SERPINE2: variants seen among roughly 807,000 people sequenced by gnomAD.
SERPINE2 encodes the protein glia-derived nexin.
SERPINE2 carries 14 observed loss-of-function variants against 36.3 expected under a neutral mutation model. The observed-to-expected ratio is 0.39, with a 90% CI of 0.25 to 0.60. SERPINE2 has a LOEUF of 0.60. Ranked by LOEUF, SERPINE2 falls within the 20% of genes least tolerant of loss-of-function variation. SERPINE2 has a pLI of 0.57. For missense variants in SERPINE2, 418 were observed against 499.6 expected (o/e 0.84, Z 1.56); for synonymous variants, 192 against 191.8 (o/e 1.00, Z -0.01).
intron 4 of SERPINE2, among the ~76,000 whole-genome samples, chr2:223,990,493 A>G (rs1690619714): frequency 6.6e-6 from 1 of 152,110 alleles, no homozygotes; most frequent in Non-Finnish European, 1.5e-5. Context: ...GAATCCTTGC[A>G]TTTTAATCTT....
At chr2:224,014,511 A>C (rs1691731907) in intron 1 of SERPINE2, among the ~76,000 whole-genome samples, 4 of 152,222 alleles carry the variant, frequency 2.6e-5, no homozygotes, top group Admixed American at 6.5e-5. Context: ...GGAAAGTCAG[A>C]GGGAAAGTCA....
At chr2:224,028,719 G>A (rs1692266440) in intron 1 of SERPINE2, among the ~76,000 whole-genome samples, 1 of 152,182 alleles carries the variant, frequency 6.6e-6, no homozygotes. Context: ...ATGCCTAATA[G>A]TACTTGACAC....
intron 4 of SERPINE2, among the ~76,000 whole-genome samples, chr2:223,990,517 GT>G (rs368151964): frequency 1.4e-5 from 2 of 146,440 alleles, no homozygotes; most frequent in Non-Finnish European, 3.0e-5. Flanking sequence ...CTATTAACTT[GT>G]TTTTTTTTTC....
At position 224,036,095 on chromosome 2, in the gene SERPINE2, A is replaced by T. The variant is rs559796934; in HGVS notation, c.-23+3004T>A. 1.8e-3 allele frequency among the ~76,000 whole-genome samples: 276 copies of T among 152,230 alleles called. 4 individuals carry two copies. Among genetic ancestry groups the T allele is most frequent in the Non-Finnish European group, 2.8e-3 (190 of 68,000 alleles). ...TTATTTTGGGGTGTTTTTTTGGCCT[A>T]AAGGGCACGGGTAAGCGCACCAGAC... On this transcript the variant is annotated intron_variant, in intron 1 of 8. Coordinates refer to ENST00000409304, the MANE Select transcript of SERPINE2 (RefSeq NM_001136528.2).
At chr2:223,982,833 C>T (rs1360952368) in intron 5 of SERPINE2, 52 bp from the exon 6 acceptor site, 1 of 1,294,052 alleles carries the variant, frequency 7.7e-7, no homozygotes, top group East Asian at 2.3e-5. Flanking sequence ...ATAAATGCTA[C>T]ATGATAGAGT....
At chr2:224,036,010 T>G (rs1371681074) in intron 1 of SERPINE2, among the ~76,000 whole-genome samples, 2 of 151,980 alleles carry the variant, frequency 1.3e-5, no homozygotes, top group East Asian at 3.9e-4. Flanking sequence ...AACGGACAAA[T>G]CTTCGCTAAC....
chr2:224,031,275 C>A (rs1010374827), intron 1 of SERPINE2: 2 of 985,214 alleles, frequency 2.0e-6, no homozygotes, highest in African/African-American at 3.5e-5. Context: ...CCACATACTG[C>A]GTGACCGTGG....
chr2:224,026,292 T>G (rs1463933200), intron 1 of SERPINE2, among the ~76,000 whole-genome samples: 1 of 152,278 alleles, frequency 6.6e-6, no homozygotes, highest in Non-Finnish European at 1.5e-5. Context: ...TATTTGGGTT[T>G]ATTTGTTACA....
At chr2:224,031,451 CCA>C (rs1559222974) in intron 1 of SERPINE2, 1 of 985,582 alleles carries the variant, frequency 1.0e-6, no homozygotes, top group African/African-American at 1.7e-5. Flanking sequence ...ACGGTCCTCT[CCA>C]CTCCCTTTCC....
intron 1 of SERPINE2, among the ~76,000 whole-genome samples, chr2:224,032,844 C>T (rs1191804424): frequency 6.6e-6 from 1 of 152,164 alleles, no homozygotes; most frequent in Non-Finnish European, 1.5e-5. Context: ...TGCTTGGGCT[C>T]AGTGGCCATC....
At chr2:224,001,988 T>A (rs1437072573) in intron 1 of SERPINE2, 66 bp from the exon 2 acceptor site, 5 of 1,398,150 alleles carry the variant, frequency 3.6e-6, no homozygotes, top group Non-Finnish European at 4.7e-6. Flanking sequence ...TTTTTTTTTT[T>A]TTCCCCCAGA....
At chr2:223,990,473 A>G (rs1690618686) in intron 4 of SERPINE2, among the ~76,000 whole-genome samples, 1 of 152,176 alleles carries the variant, frequency 6.6e-6, no homozygotes, top group Non-Finnish European at 1.5e-5. Flanking sequence ...CTTCCATAGG[A>G]ATGTTAATGG....
At chr2:223,990,910 C>T (rs1690639023) in intron 4 of SERPINE2, among the ~76,000 whole-genome samples, 1 of 152,056 alleles carries the variant, frequency 6.6e-6, no homozygotes, top group Admixed American at 6.6e-5. Context: ...TCCAAGAGGT[C>T]GAGGCTGCGG....
intron 3 of SERPINE2, among the ~76,000 whole-genome samples, chr2:223,992,231 G>C (rs1470987147): frequency 6.6e-6 from 1 of 152,040 alleles, no homozygotes; most frequent in Non-Finnish European, 1.5e-5. Flanking sequence ...GAAACCCCTA[G>C]CTAGGGGTTA....
At chr2:223,977,951 T>A (rs1690074239) in intron 7 of SERPINE2, 1 of 230,856 alleles carries the variant, frequency 4.3e-6, no homozygotes, top group African/African-American at 2.2e-5. Context: ...CTTAGAACAG[T>A]GTTTGCCACT....
Position 224,001,712 on chromosome 2 carries a change from C to A in SERPINE2, c.189G>T (p.Gly63=). The change falls in exon 2 of 9, where the codon GGG becomes GGT. Residue 63 remains glycine, a synonymous_variant. Transcript: ENST00000409304. ...TGCCGTCCGCCCCCAGCTGAAGCAT[C>A]CCCAGGACCGACGCAATCCCATGGG... The part of the protein sequence containing the change: ...ISPHGIASVL[G]MLQLGADGRT... 1.2e-6 allele frequency: 2 copies of A among 1,614,204 alleles called. No individual in the cohort carries two copies. Among genetic ancestry groups the A allele is most frequent in the Non-Finnish European group, 8.5e-7 (1 of 1,180,046 alleles).
chr2:224,021,181 A>G (rs1574845441), intron 1 of SERPINE2, among the ~76,000 whole-genome samples: 2 of 152,210 alleles, frequency 1.3e-5, no homozygotes, highest in African/African-American at 2.4e-5. Flanking sequence ...TGCCCTTGAC[A>G]TTCTTGGCAG....
chr2:223,986,684 T>C (rs769686389), intron 4 of SERPINE2, among the ~76,000 whole-genome samples: 30 of 152,156 alleles, frequency 2.0e-4, no homozygotes, highest in Non-Finnish European at 2.8e-4. Flanking sequence ...TTAAGGAGGA[T>C]TGAAGTAATG....
chr2:224,032,105 A>G (rs986376909), intron 1 of SERPINE2, among the ~76,000 whole-genome samples: 1 of 152,226 alleles, frequency 6.6e-6, no homozygotes, highest in Non-Finnish European at 1.5e-5. Context: ...CTTAACAGTG[A>G]CCAAATCCTC....
Sources: gnomAD v4.1 joint callset for allele counts (sites outside exome capture counted in the v4.1 genomes callset) on GRCh38, gnomAD v4.1.1 for gene constraint, MANE v1.5 for transcripts, NCBI Gene and HGNC (gene_info 2026-07-23, HGNC 2026-07-21) for gene names.